The following SPTBN1 variants were observed in gnomAD, a reference collection of about 807,000 sequenced individuals.
SPTBN1 encodes spectrin beta chain, non-erythrocytic 1.
Under a neutral mutation model 266.4 loss-of-function variants are expected in SPTBN1, and 32 were observed. The ratio of observed to expected loss-of-function variants is 0.12; its 90% confidence interval spans 0.09 to 0.16. The LOEUF (loss-of-function observed/expected upper bound fraction) is 0.16. Ranked by LOEUF, SPTBN1 falls within the 10% of genes least tolerant of loss-of-function variation. The pLI, the probability that SPTBN1 is intolerant of heterozygous loss-of-function variation, is 1.00. For synonymous variants in SPTBN1, 1,336 were observed against 1,162.2 expected (o/e 1.15, Z -3.04); for missense variants, 2,296 against 3,067.1 (o/e 0.75, Z 5.94).
At chr2:54,624,708 T>C in intron 10 of SPTBN1, 96 bp from the exon 11 acceptor site, 1 of 1,535,686 alleles carries the variant, frequency 6.5e-7, no homozygotes, top group Non-Finnish European at 8.8e-7. Context: ...TGTCAGGTCC[T>C]TTTGAGAAAT....
intron 1 of SPTBN1, among the ~76,000 whole-genome samples, chr2:54,521,230 T>G (rs1411965040): frequency 2.6e-5 from 4 of 152,228 alleles, no homozygotes; most frequent in African/African-American, 9.6e-5. Context: ...GGGCACACTC[T>G]TCCATACTGT....
chr2:54,630,350 A>G (rs1360094928), intron 15 of SPTBN1, among the ~76,000 whole-genome samples: 1 of 152,168 alleles, frequency 6.6e-6, no homozygotes, highest in Non-Finnish European at 1.5e-5. Flanking sequence ...TTTTATAGTA[A>G]CTTCAGGAAC....
chr2:54,530,781 T>G (rs1444866893), intron 2 of SPTBN1, among the ~76,000 whole-genome samples: 2 of 152,260 alleles, frequency 1.3e-5, no homozygotes, highest in Admixed American at 1.3e-4. Flanking sequence ...GTTCCTGGCA[T>G]AGAGCTCCTA....
intron 1 of SPTBN1, among the ~76,000 whole-genome samples, chr2:54,513,337 C>A (rs2104233300): frequency 6.6e-6 from 1 of 152,226 alleles, no homozygotes; most frequent in East Asian, 1.9e-4. Context: ...TCATTTCATT[C>A]CCTTCCAGGT....
intron 23 of SPTBN1, 124 bp from the exon 24 acceptor site, chr2:54,647,007 C>T (rs1298819460): frequency 7.1e-7 from 1 of 1,403,262 alleles, no homozygotes; most frequent in East Asian, 2.3e-5. Flanking sequence ...GTCCGTACTG[C>T]ACCTCTGGAG....
chr2:54,520,489 G>A (rs944573174), intron 1 of SPTBN1: 2 of 152,158 alleles, frequency 1.3e-5, no homozygotes, highest in Admixed American at 6.5e-5. Context: ...TGAATTTAGT[G>A]TCTGCTTATT....
intron 9 of SPTBN1, 112 bp downstream of exon 9, chr2:54,622,599 G>GT: frequency 4.0e-6 from 5 of 1,249,042 alleles, no homozygotes; most frequent in Non-Finnish European, 5.6e-6. Flanking sequence ...ATGCCTTTCA[G>GT]TAGTGTGTCC....
At chr2:54,559,457 G>T (rs1238006257) in intron 2 of SPTBN1, among the ~76,000 whole-genome samples, 1 of 152,202 alleles carries the variant, frequency 6.6e-6, no homozygotes, top group African/African-American at 2.4e-5. Flanking sequence ...TCTAATGAAA[G>T]CCGGTTATTG....
In SPTBN1 at chr2:54,659,283, C is replaced by T; in HGVS notation, c.6356+17C>T. 4 of 1,611,562 alleles carry T rather than the reference C, an allele frequency of 2.5e-6. No homozygotes were observed. The highest frequency in any genetic ancestry group is 2.5e-6 in the Non-Finnish European group (3 of 1,177,806). ...GCAGCAGTGGTGAGTCCCAGCAGCTCCAGAGGCTGGACCCTTAGCCTCGGT... is the reference window on the plus strand; with the variant it reads ...GCAGCAGTGGTGAGTCCCAGCAGCTTCAGAGGCTGGACCCTTAGCCTCGGT... On this transcript the variant is annotated intron_variant, in intron 31 of 35. Transcript: ENST00000356805.
rs1678508534 is a variant in SPTBN1 at position 54,628,584 on chromosome 2, T to C, written c.1798+334T>C. 6.6e-6 allele frequency among the ~76,000 whole-genome samples: 1 copy of C among 152,236 alleles called. No homozygotes were observed. Among genetic ancestry groups the C allele is most frequent in the Non-Finnish European group, 1.5e-5 (1 of 68,042 alleles). ...CTCCTGGCTTTCACAGCTGGTTGCA[T>C]ATACCTCTCTTTGGAGGATGTTTAG... is the stretch of plus-strand genomic sequence containing the variant. On this transcript the variant is annotated intron_variant, in intron 13 of 35. Coordinates refer to ENST00000356805, the MANE Select transcript of SPTBN1 (RefSeq NM_003128.3). The surrounding 1 kb of genome is among the most constrained non-coding windows in gnomAD (Gnocchi z 4.3).
chr2:54,531,774 C>T (rs546383970), intron 2 of SPTBN1, among the ~76,000 whole-genome samples: 1 of 152,150 alleles, frequency 6.6e-6, no homozygotes, highest in South Asian at 2.1e-4. Flanking sequence ...CTGCGTCACT[C>T]ATCGCCACCC....
At position 54,631,033 on chromosome 2, in the gene SPTBN1, C is replaced by T; in HGVS notation, c.2986C>T (p.Arg996Cys). Residue 996 changes from arginine (R) to cysteine (C), a missense_variant, in exon 16 of 36, where the codon CGC (arginine) becomes TGC (cysteine). Physicochemically the swap from Arg to Cys is radical, Grantham distance 180. This residue lies in a region of SPTBN1 where 128 missense variants were observed against 176.5 expected (regional missense o/e 0.73). Transcript: ENST00000356805. ...CCTGGCTGGCGTCATGGCCCTGCAG[C>T]GCAAGCTGACCGGCATGGAGCGGGA... The part of the protein sequence containing the change: ...NDLAGVMALQ[R>C]KLTGMERDLV... The T allele has an allele frequency of 1.2e-6, 2 of 1,613,898 alleles. No homozygotes were observed. Among genetic ancestry groups the T allele is most frequent in the East Asian group, 2.2e-5 (1 of 44,878 alleles).
Position 54,562,534 on chromosome 2 carries a change from T to TTTTTTTC in SPTBN1, c.148+35974_148+35975insCTTTTTT, listed in dbSNP as rs1025962929. 1.0e-3 allele frequency among the ~76,000 whole-genome samples: 17 copies of TTTTTTTC among 16,546 alleles called. 1 individual carries two copies. The highest frequency in any genetic ancestry group is 3.2e-3 in the African/African-American group (6 of 1,894). 10.9% of individuals were successfully genotyped at this position (16,546 alleles called of 152,430 possible). On this transcript the variant is annotated intron_variant, in intron 2 of 35. Transcript: ENST00000356805. ...AATGCTTACTTTTCTTTTCTTTTTC[T>TTTTTTTC]TTTTTTTTTTTGAGGCAAGGTCTGC... is the stretch of plus-strand genomic sequence containing the variant.
At chr2:54,647,023 C>G in intron 23 of SPTBN1, 108 bp from the exon 24 acceptor site, 1 of 1,540,648 alleles carries the variant, frequency 6.5e-7, no homozygotes, top group East Asian at 2.3e-5. Context: ...TGGAGTTTTT[C>G]TTTCTACTGA....
At chr2:54,587,799 A>G (rs903549553) in intron 2 of SPTBN1, among the ~76,000 whole-genome samples, 20 of 152,252 alleles carry the variant, frequency 1.3e-4, no homozygotes, top group Admixed American at 4.6e-4. Context: ...GGCACACTCC[A>G]TCCCGTAAGT....
intron 2 of SPTBN1, among the ~76,000 whole-genome samples, chr2:54,589,995 C>T (rs1422601445): frequency 6.6e-6 from 1 of 152,130 alleles, no homozygotes; most frequent in African/African-American, 2.4e-5. Context: ...TGACAATTGA[C>T]CTGATTGGGT....
chr2:54,606,336 G>A (rs1676838074), intron 3 of SPTBN1, among the ~76,000 whole-genome samples: 1 of 152,146 alleles, frequency 6.6e-6, no homozygotes, highest in African/African-American at 2.4e-5. Flanking sequence ...AGACTTATGA[G>A]AATGGCTGCT....
chr2:54,608,049 C>T (rs1437056318), intron 3 of SPTBN1, among the ~76,000 whole-genome samples: 1 of 152,150 alleles, frequency 6.6e-6, no homozygotes, highest in Non-Finnish European at 1.5e-5. Context: ...GGGCTGGCTG[C>T]TGCCCTTAAT....
At chr2:54,597,866 C>CTT (rs531763576) in intron 2 of SPTBN1, among the ~76,000 whole-genome samples, 490 of 81,996 alleles carry the variant, frequency 6.0e-3, no homozygotes, top group Non-Finnish European at 9.1e-3. Flanking sequence ...GAGCTATCTG[C>CTT]TTTTTTTTTT....
Sources: allele counts gnomAD v4.1 joint callset (sites outside exome capture counted in the v4.1 genomes callset), GRCh38; gene constraint gnomAD v4.1.1; regional missense constraint gnomAD v4.1.1; non-coding constraint Gnocchi (gnomAD v3.1); transcripts MANE v1.5; gene names NCBI Gene and HGNC (gene_info 2026-07-23, HGNC 2026-07-21).